The following WDR1 variants were observed in gnomAD, a reference collection of about 807,000 sequenced individuals.
The protein encoded by WDR1 is WD repeat-containing protein 1.
In WDR1, 21 loss-of-function variants were observed where a neutral mutation model predicts 71.9. The ratio of observed to expected loss-of-function variants is 0.29; its 90% CI spans 0.21 to 0.42. WDR1 has a LOEUF of 0.42. Ranked by LOEUF, WDR1 falls within the 10% of genes least tolerant of loss-of-function variation. WDR1 has a pLI of 1.00. For missense variants in WDR1, 696 were observed against 824.5 expected, an observed-to-expected ratio of 0.84 and a Z score of 1.91; for synonymous variants, 424 against 347.4, an observed-to-expected ratio of 1.22 and a Z score of -2.45.
At chr4:10,107,816 G>A (rs1199213516) in intron 2 of WDR1, among the ~76,000 whole-genome samples, 1 of 152,174 alleles carries the variant, frequency 6.6e-6, no homozygotes, top group Non-Finnish European at 1.5e-5. Flanking sequence ...AGGACCCACG[G>A]ACTTCGGCAA....
intron 1 of WDR1, 62 bp from the exon 2 acceptor site, chr4:10,116,296 G>A (rs1224295306): frequency 1.4e-5 from 22 of 1,607,522 alleles, no homozygotes; most frequent in Admixed American, 1.7e-5. Flanking sequence ...GGGACAGAAG[G>A]GAGAAGGAGC....
chr4:10,095,480 T>C (rs533654508), intron 5 of WDR1, among the ~76,000 whole-genome samples: 1 of 152,270 alleles, frequency 6.6e-6, no homozygotes, highest in South Asian at 2.1e-4. Flanking sequence ...GGCCTCATGT[T>C]AGCACTCACA....
At position 10,116,760 on chromosome 4, in the gene WDR1, T is replaced by G; in HGVS notation, c.-94A>C. The G allele has an allele frequency of 1.6e-6, 2 of 1,233,716 alleles. No homozygotes were observed. Among genetic ancestry groups the G allele is most frequent in the South Asian group, 2.8e-5 (1 of 36,092 alleles). 76.4% of individuals were successfully genotyped at this position (1,233,716 alleles called of 1,614,324 possible). ...CCTCGCCGAGGCCGAGCCCGGGGAC[T>G]GGAGCCGGAAGGCGGCACCGGGCGT... On this transcript the variant is annotated 5_prime_UTR_variant, in exon 1 of 15. Coordinates refer to ENST00000499869, the MANE Select transcript of WDR1 (RefSeq NM_017491.5).
rs368528976 is a variant in WDR1 at position 10,084,456 on chromosome 4, G to A, written c.1026C>T (p.His342=). The change falls in exon 9 of 15, where the codon CAC becomes CAT. Residue 342 remains histidine, a synonymous_variant. Coordinates refer to ENST00000499869, the MANE Select transcript of WDR1 (RefSeq NM_017491.5). The stretch of plus-strand genomic sequence containing the variant: ...GTCAAAGGATATTAATGTGTCCGTC[G>A]TGGCTCCCAGAGTAAATGTAGGACT... ...GGKSYIYSGS[H]DGHINYWDSE... is the part of the protein sequence containing the mutation. 1.1e-5 allele frequency: 18 copies of A among 1,613,646 alleles called. No homozygotes were observed. The highest frequency in any genetic ancestry group is 9.3e-5 in the African/African-American group (7 of 74,914).
At chr4:10,094,397 G>A (rs778528270) in intron 5 of WDR1, among the ~76,000 whole-genome samples, 3 of 152,222 alleles carry the variant, frequency 2.0e-5, no homozygotes, top group African/African-American at 7.2e-5. Flanking sequence ...TGCGCATGGC[G>A]AAGGCAGACA....
At position 10,099,135 on chromosome 4, in the gene WDR1, C is replaced by G; in HGVS notation, c.234G>C (p.Val78=). ...PSGFYIASGD[V]SGKLRIWDTT... ...TATCCCAGATCCTCAGCTTCCCAGA[C>G]ACATCTGTGGGGCACAGCGGGCGGG... Residue 78 remains valine, a synonymous_variant, in exon 4 of 15, where the codon GTG becomes GTC. Coordinates refer to ENST00000499869, the MANE Select transcript of WDR1 (RefSeq NM_017491.5). The G allele has an allele frequency of 6.4e-7, 1 of 1,560,904 alleles. No individual in the cohort carries two copies. Among genetic ancestry groups the G allele is most frequent in the Non-Finnish European group, 8.7e-7 (1 of 1,145,446 alleles).
chr4:10,103,434 C>T (rs1265093586), intron 3 of WDR1, among the ~76,000 whole-genome samples: 1 of 152,164 alleles, frequency 6.6e-6, no homozygotes, highest in African/African-American at 2.4e-5. Flanking sequence ...TGCAACACTA[C>T]AAACTAGAAA....
In WDR1 at chr4:10,083,378, C is replaced by G. The variant is rs1007548258; in HGVS notation, c.1040-200G>C. The stretch of plus-strand genomic sequence containing the variant: ...GTATCTGAAGTGTGGGTGCACCACA[C>G]AGGGATTGGGATGAGGCAGAAAGGG... On this transcript the variant is annotated intron_variant, in intron 9 of 14. Coordinates refer to ENST00000499869, the MANE Select transcript of WDR1 (RefSeq NM_017491.5). 5.9e-5 allele frequency among the ~76,000 whole-genome samples: 9 copies of G among 152,144 alleles called. 1 individual carries two copies. Among genetic ancestry groups the G allele is most frequent in the African/African-American group, 1.7e-4 (7 of 41,386 alleles).
intron 2 of WDR1, among the ~76,000 whole-genome samples, chr4:10,104,887 G>C (rs1712926912): frequency 6.6e-6 from 1 of 152,156 alleles, no homozygotes. Context: ...ACTCCTGTGA[G>C]GGTGCCCGGG....
chr4:10,089,797 G>T (rs1711845636), intron 5 of WDR1, among the ~76,000 whole-genome samples: 1 of 152,236 alleles, frequency 6.6e-6, no homozygotes, highest in African/African-American at 2.4e-5. Flanking sequence ...TAATTTTAAA[G>T]CATGAGCTAC....
chr4:10,115,332 G>T (rs527715889), intron 2 of WDR1, among the ~76,000 whole-genome samples: 1 of 152,376 alleles, frequency 6.6e-6, no homozygotes, highest in East Asian at 1.9e-4. Context: ...AATTTGCAAG[G>T]ATTTCCCAAG....
intron 5 of WDR1, among the ~76,000 whole-genome samples, chr4:10,093,671 G>A (rs1396887646): frequency 6.6e-6 from 1 of 152,216 alleles, no homozygotes; most frequent in Non-Finnish European, 1.5e-5. Context: ...ACCTGGGCCA[G>A]GTCACCCTCC....
intron 3 of WDR1, among the ~76,000 whole-genome samples, chr4:10,100,931 G>A (rs1712646498): frequency 6.6e-6 from 1 of 152,194 alleles, no homozygotes. Context: ...GCTATGCTCA[G>A]GCCCATCCAG....
At chr4:10,108,638 A>G (rs1196233462) in intron 2 of WDR1, among the ~76,000 whole-genome samples, 2 of 152,248 alleles carry the variant, frequency 1.3e-5, no homozygotes, top group Admixed American at 6.5e-5. Context: ...CTGTGCAAAT[A>G]TAACTGGCCA....
chr4:10,101,447 C>G (rs532863717), intron 3 of WDR1, among the ~76,000 whole-genome samples: 1 of 152,196 alleles, frequency 6.6e-6, no homozygotes, highest in Non-Finnish European at 1.5e-5. Flanking sequence ...CTGCAGCAAA[C>G]GTTCCAATGT....
At chr4:10,086,905 T>G (rs1450307382) in intron 8 of WDR1, among the ~76,000 whole-genome samples, 4 of 152,122 alleles carry the variant, frequency 2.6e-5, no homozygotes, top group Non-Finnish European at 5.9e-5. Flanking sequence ...GGCGCTGCTG[T>G]GAGAGGAGGA....
chr4:10,102,254 G>C (rs1310406396), intron 3 of WDR1, among the ~76,000 whole-genome samples: 2 of 152,222 alleles, frequency 1.3e-5, no homozygotes, highest in African/African-American at 4.8e-5. Flanking sequence ...CCCCAGTTTG[G>C]AAGAGAAAAT....
intron 2 of WDR1, among the ~76,000 whole-genome samples, chr4:10,115,229 G>A (rs923253345): frequency 1.3e-5 from 2 of 152,216 alleles, no homozygotes; most frequent in African/African-American, 4.8e-5. Flanking sequence ...CACTCAGGCT[G>A]AGGAAGGGAA....
At chr4:10,093,323 T>C (rs1189960225) in intron 5 of WDR1, among the ~76,000 whole-genome samples, 1 of 152,108 alleles carries the variant, frequency 6.6e-6, no homozygotes, top group Non-Finnish European at 1.5e-5. Context: ...CTGTGCCCAG[T>C]CCCACCCCAC....
Sources: allele counts gnomAD v4.1 joint callset (sites outside exome capture counted in the v4.1 genomes callset), GRCh38; gene constraint gnomAD v4.1.1; transcripts MANE v1.5; gene names NCBI Gene and HGNC (gene_info 2026-07-23, HGNC 2026-07-21).